The following C6 variants were observed in gnomAD, a reference collection of about 807,000 sequenced individuals.
The protein encoded by C6 is complement component C6.
Under a neutral mutation model 112.9 loss-of-function variants are expected in C6, and 101 were observed. The observed-to-expected ratio is 0.89, with a 90% CI of 0.76 to 1.06. The LOEUF is 1.06. Among genes scored for constraint, C6 ranks in the 50% least tolerant of loss-of-function variants. C6 has a pLI of 0.00. For synonymous variants in C6, 431 were observed against 384.1 expected, an observed-to-expected ratio of 1.12 and a Z score of -1.43; for missense variants, 1,202 against 1,104.6, an observed-to-expected ratio of 1.09 and a Z score of -1.25.
At chr5:41,178,937 T>C (rs1749093264) in intron 7 of C6, among the ~76,000 whole-genome samples, 2 of 152,118 alleles carry the variant, frequency 1.3e-5, no homozygotes, top group Admixed American at 1.3e-4. Context: ...CACTGCAACC[T>C]CCGCCTCCCG....
In C6 at chr5:41,186,097, C is replaced by T. The variant is rs200831910; in HGVS notation, c.699G>A (p.Pro233=). The T allele has an allele frequency of 6.1e-5, 98 of 1,613,780 alleles. 1 individual carries two copies. The highest frequency in any genetic ancestry group is 5.7e-4 in the Admixed American group (34 of 59,946). ...SSRTSNPYRV[P]ANLENVGFEV... ...CAAAGCCGACATTTTCCAGATTGGCCGGAACACGGTATGGATTACTTGTCC... is the reference window on the plus strand; with the variant it reads ...CAAAGCCGACATTTTCCAGATTGGCTGGAACACGGTATGGATTACTTGTCC... Residue 233 remains proline (P), a synonymous_variant, in exon 6 of 18, where the codon CCG becomes CCA. Coordinates refer to ENST00000337836, the MANE Select transcript of C6 (RefSeq NM_000065.5).
chr5:41,155,446 GA>G (rs529768746), intron 13 of C6, among the ~76,000 whole-genome samples: 37 of 152,200 alleles, frequency 2.4e-4, no homozygotes, highest in Admixed American at 1.2e-3. Context: ...CCAACACTTT[GA>G]GAGGCTGAGG....
At chr5:41,153,120 G>A (rs1048589579) in intron 15 of C6, 6 of 152,242 alleles carry the variant, frequency 3.9e-5, no homozygotes, top group African/African-American at 1.2e-4. Flanking sequence ...AATTAATAAT[G>A]TTTCCCTGCC....
Position 41,200,438 on chromosome 5 carries a change from A to G in C6, c.301-526T>C, listed in dbSNP as rs146139187. 1.6e-3 allele frequency among the ~76,000 whole-genome samples: 248 copies of G among 152,318 alleles called. 1 individual carries two copies. Among genetic ancestry groups the G allele is most frequent in the Non-Finnish European group, 1.3e-3 (86 of 68,028 alleles). On this transcript the variant is annotated intron_variant, in intron 3 of 17. Coordinates refer to ENST00000337836, the MANE Select transcript of C6 (RefSeq NM_000065.5). Reference sequence around the variant, plus strand: ...TAGAAATATGATAGGACTAAAAAGTACTGACTTTGAAGTCAGAAAATTCAA... The same window carrying G: ...TAGAAATATGATAGGACTAAAAAGTGCTGACTTTGAAGTCAGAAAATTCAA...
In C6 at chr5:41,161,017, A is replaced by G. The variant is rs879035743; in HGVS notation, c.1459-650T>C. Among the ~76,000 whole-genome samples, 6 of 152,290 alleles carry G rather than the reference A, an allele frequency of 3.9e-5. No homozygotes were observed. The South Asian group carries it at 6.2e-4, about 16-fold the overall frequency. On this transcript the variant is annotated intron_variant, in intron 10 of 17. Coordinates refer to ENST00000337836, the MANE Select transcript of C6 (RefSeq NM_000065.5). ...GGCAGCTGGGTCTCATTTTTCTCCC[A>G]TAACATGTAGAGCTCAACACATCTT...
At position 41,142,654 on chromosome 5, in the gene C6, G is replaced by A. The variant is rs1745454949; in HGVS notation, c.*171C>T. 1.5e-6 allele frequency: 1 copy of A among 649,526 alleles called. No individual in the cohort carries two copies. Among genetic ancestry groups the A allele is most frequent in the Non-Finnish European group, 2.8e-6 (1 of 356,840 alleles). The allele number at this position is 649,526 out of a possible 1,614,324, so 40.2% of individuals were successfully genotyped here. ...CATGAGCTGGAACTGAATAAGACAT[G>A]CCCAAACAGGAGAGTCAGGGGAGAA... On this transcript the variant is annotated 3_prime_UTR_variant, in exon 18 of 18. Coordinates refer to ENST00000337836, the MANE Select transcript of C6 (RefSeq NM_000065.5).
At chr5:41,159,035 G>A in intron 12 of C6, 47 bp downstream of exon 12, 2 of 1,595,288 alleles carry the variant, frequency 1.3e-6, no homozygotes, top group Non-Finnish European at 1.7e-6. Context: ...CAATGTTATT[G>A]AGAGTTAGGG....
At chr5:41,171,977 T>C (rs1258532511) in intron 9 of C6, among the ~76,000 whole-genome samples, 2 of 152,302 alleles carry the variant, frequency 1.3e-5, no homozygotes, top group Middle Eastern at 3.4e-3. Flanking sequence ...GTTCTGTCCA[T>C]GAGCAAAATC....
At chr5:41,255,984 T>C (rs1314472808) in intron 1 of C6, among the ~76,000 whole-genome samples, 1 of 152,194 alleles carries the variant, frequency 6.6e-6, no homozygotes, top group Non-Finnish European at 1.5e-5. Flanking sequence ...CAAGTTAGTA[T>C]CATGAGGTTG....
At chr5:41,178,733 T>G (rs1749076249) in intron 7 of C6, among the ~76,000 whole-genome samples, 1 of 152,092 alleles carries the variant, frequency 6.6e-6, no homozygotes, top group Non-Finnish European at 1.5e-5. Context: ...ACCTCAGTCC[T>G]CCAAAGTTCT....
In C6 at chr5:41,181,544, C is replaced by G; in HGVS notation, c.742G>C (p.Asp248His). The change falls in exon 7 of 18, where the codon GAT (aspartate) becomes CAT (histidine). Residue 248 changes from aspartate (D) to histidine (H), a missense_variant. Physicochemically the swap from Asp to His is moderately conservative, Grantham distance 81. Transcript: ENST00000337836. ...NVGFEVQTAE[D>H]DLKTDFYKDL... is the part of the protein sequence containing the mutation. ...TTGTAGAAATCTGTTTTCAAGTCAT[C>G]TTCTGCAGTTTGTACCTGGAGAAAA... The G allele has an allele frequency of 1.2e-6, 2 of 1,613,166 alleles. No individual in the cohort carries two copies. The highest frequency in any genetic ancestry group is 2.2e-5 in the South Asian group (2 of 91,020).
At chr5:41,238,434 T>G (rs932115897) in intron 1 of C6, among the ~76,000 whole-genome samples, 2 of 152,208 alleles carry the variant, frequency 1.3e-5, no homozygotes, top group South Asian at 4.1e-4. Context: ...ACATATCTCA[T>G]TCTTTATTAA....
intron 1 of C6, among the ~76,000 whole-genome samples, chr5:41,247,956 A>T (rs1741124314): frequency 6.6e-6 from 1 of 152,138 alleles, no homozygotes; most frequent in African/African-American, 2.4e-5. Flanking sequence ...GTAACCAGAA[A>T]AGCATGATAC....
rs77298425 is a variant in C6 at position 41,186,270 on chromosome 5, A to C, written c.588-62T>G. The C allele has an allele frequency of 4.8e-3, 7,562 of 1,574,114 alleles. 296 individuals are homozygous for C. The African/African-American group carries it at 0.089, about 19-fold the overall frequency. On this transcript the variant is annotated intron_variant, in intron 5 of 17. Coordinates refer to ENST00000337836, the MANE Select transcript of C6 (RefSeq NM_000065.5). ...TAGAACAATCTTTAAAATTTACCTT[A>C]GTTATATGAAAGGAATTCCTCTTCT...
chr5:41,170,225 TTAA>T (rs1208411840), intron 9 of C6, among the ~76,000 whole-genome samples: 1 of 152,066 alleles, frequency 6.6e-6, no homozygotes, highest in Non-Finnish European at 1.5e-5. Flanking sequence ...CAAATTTTCT[TTAA>T]TAATATCTAA....
Position 41,160,176 on chromosome 5 carries a change from C to T in C6, c.1650G>A (p.Glu550=). The part of the protein sequence containing the change: ...LCVCQSGTYG[E]NCEKQSPDYK... Reference sequence around the variant, plus strand: ...AATCTGGAGACTGTTTCTCACAGTTCTCACCATAGGTGCCACTCTGACACA... The same window carrying T: ...AATCTGGAGACTGTTTCTCACAGTTTTCACCATAGGTGCCACTCTGACACA... Residue 550 remains glutamate (E), a synonymous_variant, in exon 11 of 18, where the codon GAG becomes GAA. Coordinates refer to ENST00000337836, the MANE Select transcript of C6 (RefSeq NM_000065.5). 2 of 1,613,814 alleles carry T rather than the reference C, an allele frequency of 1.2e-6. No individual in the cohort carries two copies. The highest frequency in any genetic ancestry group is 1.7e-6 in the Non-Finnish European group (2 of 1,179,752).
chr5:41,147,807 C>T (rs779870841), intron 17 of C6, among the ~76,000 whole-genome samples: 22 of 152,160 alleles, frequency 1.4e-4, no homozygotes, highest in Non-Finnish European at 2.9e-4. Context: ...GGTCAAACTT[C>T]ATCTTGGAGC....
chr5:41,256,708 G>A (rs1442582216), intron 1 of C6, among the ~76,000 whole-genome samples: 1 of 152,146 alleles, frequency 6.6e-6, no homozygotes, highest in Non-Finnish European at 1.5e-5. Flanking sequence ...GTTGCCAACT[G>A]CACCGTATTC....
intron 6 of C6, among the ~76,000 whole-genome samples, chr5:41,181,940 C>A (rs566799382): frequency 1.3e-5 from 2 of 152,292 alleles, no homozygotes; most frequent in African/African-American, 4.8e-5. Context: ...TGCAGTCTAA[C>A]TAAGATACTT....
Sources: gnomAD v4.1 joint callset for allele counts (sites outside exome capture counted in the v4.1 genomes callset) on GRCh38, gnomAD v4.1.1 for gene constraint, MANE v1.5 for transcripts, NCBI Gene and HGNC (gene_info 2026-07-23, HGNC 2026-07-21) for gene names.